The following PTPRD variants were observed in gnomAD, a reference collection of about 807,000 sequenced individuals.
PTPRD encodes protein tyrosine phosphatase receptor type D, also known as receptor-type tyrosine-protein phosphatase delta.
A neutral mutation model predicts 214.5 loss-of-function variants in PTPRD; 34 were observed. That is an observed-to-expected ratio of 0.16 (90% CI 0.12 to 0.21). PTPRD has a LOEUF of 0.21. Among genes scored for constraint, PTPRD ranks in the 10% least tolerant of loss-of-function variants. PTPRD has a pLI of 1.00. For synonymous variants in PTPRD, 1,128 were observed against 845.7 expected (o/e 1.33, Z -5.79); for missense variants, 2,545 against 2,398.7 (o/e 1.06, Z -1.27).
At chr9:10,441,594 T>C (rs1454698581) in intron 2 of PTPRD, among the ~76,000 whole-genome samples, 1 of 151,648 alleles carries the variant, frequency 6.6e-6, no homozygotes, top group Non-Finnish European at 1.5e-5. Context: ...CTTATCCTTA[T>C]TATTGTGCTT....
intron 9 of PTPRD, among the ~76,000 whole-genome samples, chr9:9,334,875 A>T (rs2043816763): frequency 6.6e-6 from 1 of 151,990 alleles, no homozygotes. Flanking sequence ...AGAAATCAAC[A>T]TTAGATGCTT....
intron 2 of PTPRD, among the ~76,000 whole-genome samples, chr9:10,415,447 G>T (rs1019973016): frequency 8.6e-5 from 13 of 151,834 alleles, no homozygotes; most frequent in Non-Finnish European, 1.3e-4. Flanking sequence ...CATTAGAATG[G>T]TTATCATTTT....
Position 10,425,520 on chromosome 9 carries a change from T to C in PTPRD, c.-599-84503A>G, listed in dbSNP as rs140843069. On this transcript the variant is annotated intron_variant, in intron 2 of 45. Coordinates refer to ENST00000381196, the MANE Select transcript of PTPRD (RefSeq NM_002839.4). ...AGCACTGAGGTATGTCCTTATAGCA[T>C]AGGCTCCCTTATAAAGGTTTTTACC... 3.0e-4 allele frequency among the ~76,000 whole-genome samples: 46 copies of C among 152,108 alleles called. No individual in the cohort carries two copies. In the East Asian group the frequency reaches 6.4e-3, roughly 21 times the overall value.
At chr9:9,939,482 C>G (rs1368870266) in intron 4 of PTPRD, among the ~76,000 whole-genome samples, 1 of 152,162 alleles carries the variant, frequency 6.6e-6, no homozygotes, top group Non-Finnish European at 1.5e-5. Context: ...GAAGATCCTG[C>G]AATTTGGTGA....
At chr9:9,153,498 TA>T (rs1324125046) in intron 10 of PTPRD, among the ~76,000 whole-genome samples, 6 of 152,204 alleles carry the variant, frequency 3.9e-5, no homozygotes, top group Non-Finnish European at 8.8e-5. Context: ...ATGAAATTTA[TA>T]AAATGTGAGA....
chr9:8,485,828 G>A lies in PTPRD; in HGVS notation c.2989C>T (p.His997Tyr), dbSNP rs2135910982. The A allele has an allele frequency of 1.9e-6, 3 of 1,614,122 alleles. No homozygotes were observed. The highest frequency in any genetic ancestry group is 2.2e-5 in the South Asian group (2 of 91,076). The change falls in exon 28 of 46, where the codon CAT becomes TAT. Residue 997 changes from histidine to tyrosine, a missense_variant. His to Tyr is a moderately conservative substitution (Grantham distance 83, BLOSUM62 2). Coordinates refer to ENST00000381196, the MANE Select transcript of PTPRD (RefSeq NM_002839.4). Reference sequence around the variant, plus strand: ...TATGGCCCGGGCCCTTTGCTCGTATGAGCACGTACTTTTACATCGTATGTG... The same window carrying A: ...TATGGCCCGGGCCCTTTGCTCGTATAAGCACGTACTTTTACATCGTATGTG... ...DTTYDVKVRA[H>Y]TSKGPGPYSP...
intron 14 of PTPRD, among the ~76,000 whole-genome samples, chr9:8,542,729 T>C (rs987868055): frequency 6.6e-6 from 1 of 152,234 alleles, no homozygotes; most frequent in South Asian, 2.1e-4. Context: ...AAGGGGCTCG[T>C]AGAGCAAGCC....
intron 37 of PTPRD, among the ~76,000 whole-genome samples, chr9:8,377,422 T>G (rs992385798): frequency 7.2e-5 from 11 of 152,072 alleles, no homozygotes; most frequent in Non-Finnish European, 1.3e-4. Flanking sequence ...CAAAAGCACA[T>G]AAAAAGTTTT....
chr9:9,946,757 C>G (rs189973177), intron 4 of PTPRD, among the ~76,000 whole-genome samples: 277 of 152,022 alleles, frequency 1.8e-3, no homozygotes, highest in African/African-American at 6.3e-3. Context: ...GCTCTAAAAG[C>G]ACAAATGTTG....
rs10816218 is a variant in PTPRD, at chr9:9,896,276, A to C, written c.-368+42231T>G. On this transcript the variant is annotated intron_variant, in intron 5 of 45. Coordinates refer to ENST00000381196, the MANE Select transcript of PTPRD (RefSeq NM_002839.4). The stretch of plus-strand genomic sequence containing the variant: ...TGCTGGAGCAAATGAAAGACTTCGG[A>C]AAGTTTTAAAGACAAGGTAAGAAAA... Among the ~76,000 whole-genome samples the C allele has an allele frequency of 0.013, 1,948 of 152,174 alleles. 172 individuals carry two copies. In the East Asian group the frequency reaches 0.24, roughly 19 times the overall value.
At chr9:9,838,633 T>C (rs941284752) in intron 5 of PTPRD, among the ~76,000 whole-genome samples, 5 of 152,332 alleles carry the variant, frequency 3.3e-5, no homozygotes, top group African/African-American at 1.2e-4. Flanking sequence ...TCTTGTAAAT[T>C]TGTTTGAGTT....
intron 10 of PTPRD, among the ~76,000 whole-genome samples, chr9:9,026,619 G>A (rs1306646781): frequency 2.6e-5 from 4 of 151,772 alleles, no homozygotes; most frequent in Admixed American, 1.3e-4. Flanking sequence ...TTTTAAGCCC[G>A]AAGTTCATTC....
At chr9:9,058,806 A>C (rs959739421) in intron 10 of PTPRD, among the ~76,000 whole-genome samples, 3 of 152,058 alleles carry the variant, frequency 2.0e-5, no homozygotes, top group African/African-American at 7.2e-5. Flanking sequence ...GGTTGTGAAA[A>C]AACATGTCAT....
intron 14 of PTPRD, among the ~76,000 whole-genome samples, chr9:8,582,726 T>C (rs1054172622): frequency 6.6e-6 from 1 of 152,192 alleles, no homozygotes; most frequent in Non-Finnish European, 1.5e-5. Context: ...TGTAAGCCTC[T>C]GAAAATACAA....
intron 12 of PTPRD, among the ~76,000 whole-genome samples, chr9:8,704,099 C>T (rs1308715887): frequency 1.3e-5 from 2 of 152,182 alleles, no homozygotes; most frequent in African/African-American, 2.4e-5. Context: ...TCCAATTCCA[C>T]AGCCACCATA....
At chr9:8,660,988 A>C (rs1283615212) in intron 12 of PTPRD, among the ~76,000 whole-genome samples, 1 of 151,968 alleles carries the variant, frequency 6.6e-6, no homozygotes, top group East Asian at 1.9e-4. Context: ...AAACACTTGC[A>C]CTCACTCTGG....
chr9:10,411,028 G>A (rs1453093287), intron 2 of PTPRD, among the ~76,000 whole-genome samples: 3 of 151,658 alleles, frequency 2.0e-5, no homozygotes, highest in East Asian at 3.9e-4. Flanking sequence ...GCACTAGTAC[G>A]GAGCCTGGCA....
At chr9:8,418,182 A>G (rs945448144) in intron 35 of PTPRD, among the ~76,000 whole-genome samples, 1 of 150,476 alleles carries the variant, frequency 6.6e-6, no homozygotes, top group Non-Finnish European at 1.5e-5. Flanking sequence ...ACTTTTTTGC[A>G]CTGGAATATT....
chr9:10,087,671 C>T (rs767238662), intron 3 of PTPRD, among the ~76,000 whole-genome samples: 13 of 151,722 alleles, frequency 8.6e-5, no homozygotes, highest in Middle Eastern at 6.8e-3. Flanking sequence ...ATTCATCTTG[C>T]TTTGAAGGTG....
Sources: allele counts gnomAD v4.1 joint callset (sites outside exome capture counted in the v4.1 genomes callset), GRCh38; gene constraint gnomAD v4.1.1; transcripts MANE v1.5; gene names NCBI Gene and HGNC (gene_info 2026-07-23, HGNC 2026-07-21).